The following C1GALT1 variants were observed in gnomAD, a reference collection of about 807,000 sequenced individuals.
C1GALT1 encodes the protein core 1 synthase, glycoprotein-N-acetylgalactosamine 3-beta-galactosyltransferase 1.
In C1GALT1, 11 loss-of-function variants were observed where a neutral mutation model predicts 31.0. That is an observed-to-expected ratio of 0.36 (90% CI 0.22 to 0.59). The LOEUF (loss-of-function observed/expected upper bound fraction) is 0.59. C1GALT1 is among the 20% of genes least tolerant of loss of function. The probability of loss-of-function intolerance (pLI) is 0.79; values close to 1 mark genes in which losing one functional copy is unlikely to be tolerated. For synonymous variants in C1GALT1, 175 were observed against 143.6 expected (o/e 1.22, Z -1.56); for missense variants, 424 against 425.2 (o/e 1.00, Z 0.03).
At chr7:7,177,102 C>T (rs1356522812) in intron 2 of C1GALT1, among the ~76,000 whole-genome samples, 6 of 152,170 alleles carry the variant, frequency 3.9e-5, no homozygotes, top group Admixed American at 2.0e-4. Context: ...CTGATTTGGG[C>T]TCACAGCTGA....
chr7:7,169,885 G>A (rs537389496), intron 2 of C1GALT1, among the ~76,000 whole-genome samples: 2 of 152,162 alleles, frequency 1.3e-5, no homozygotes, highest in Non-Finnish European at 2.9e-5. Flanking sequence ...GTTAGAAAGT[G>A]TTCTTTCCTC....
At chr7:7,192,422 T>C (rs1329136254) in intron 1 of C1GALT1, among the ~76,000 whole-genome samples, 1 of 152,152 alleles carries the variant, frequency 6.6e-6, no homozygotes, top group Admixed American at 6.5e-5. Context: ...TTACTTTACT[T>C]AGAATAATGG....
Position 7,246,792 on chromosome 7 carries a change from AAC to A in C1GALT1, c.*3070_*3071del, listed in dbSNP as rs1297833692. The A allele has an allele frequency of 6.6e-6, 1 of 152,208 alleles. No homozygotes were observed. Among genetic ancestry groups the A allele is most frequent in the Admixed American group, 6.5e-5 (1 of 15,276 alleles). 9.4% of individuals were successfully genotyped at this position (152,208 alleles called of 1,614,324 possible). A position where few individuals can be genotyped will look rare whatever the true frequency, so the allele number is the denominator to read the frequency against. Reference sequence around the variant, plus strand: ...TGATTTTGGTGCAAGTAGTGTTTGAAACACACTGAAGATTACTGCCCAATTAC... The same window carrying A: ...TGATTTTGGTGCAAGTAGTGTTTGAAACACTGAAGATTACTGCCCAATTAC... On this transcript the variant is annotated 3_prime_UTR_variant, in exon 4 of 4. Transcript: ENST00000436587.
chr7:7,233,397 C>G (rs1330937325), intron 1 of C1GALT1, among the ~76,000 whole-genome samples: 1 of 152,094 alleles, frequency 6.6e-6, no homozygotes, highest in Non-Finnish European at 1.5e-5. Context: ...ACCAATTCTT[C>G]CCAAGTATTC....
At chr7:7,201,718 A>G (rs927419427) in intron 1 of C1GALT1, among the ~76,000 whole-genome samples, 6 of 152,198 alleles carry the variant, frequency 3.9e-5, no homozygotes, top group Non-Finnish European at 8.8e-5. Flanking sequence ...GCTGCTGAGC[A>G]GTATTGAGAA....
At chr7:7,232,616 G>C (rs1783140678) in intron 1 of C1GALT1, among the ~76,000 whole-genome samples, 1 of 151,796 alleles carries the variant, frequency 6.6e-6, no homozygotes, top group South Asian at 2.1e-4. Context: ...CAGTCTCCCA[G>C]GTAGCTGGGA....
At chr7:7,208,567 G>T (rs1427025189) in intron 1 of C1GALT1, among the ~76,000 whole-genome samples, 1 of 152,162 alleles carries the variant, frequency 6.6e-6, no homozygotes, top group Non-Finnish European at 1.5e-5. Flanking sequence ...CAAAAATGAA[G>T]AGGGTTGGGG....
chr7:7,165,651 G>A (rs1039400092), intron 2 of C1GALT1, among the ~76,000 whole-genome samples: 14 of 152,002 alleles, frequency 9.2e-5, no homozygotes, highest in African/African-American at 3.4e-4. Context: ...TTCCTTCTCC[G>A]ATATGTTCCC....
At chr7:7,215,045 C>G (rs1782170742) in intron 1 of C1GALT1, among the ~76,000 whole-genome samples, 1 of 152,344 alleles carries the variant, frequency 6.6e-6, no homozygotes, top group Non-Finnish European at 1.5e-5. Context: ...CACCCAGGAA[C>G]TGACTTAGCA....
intron 2 of C1GALT1, among the ~76,000 whole-genome samples, chr7:7,236,748 A>T (rs1170166211): frequency 6.6e-6 from 1 of 150,972 alleles, no homozygotes; most frequent in Non-Finnish European, 1.5e-5. Flanking sequence ...CTGGTCTCGA[A>T]CTCCTGACCT....
rs182039929 is a variant in C1GALT1, at chr7:7,227,496, G to A, written c.-17-6807G>A. On this transcript the variant is annotated intron_variant, in intron 1 of 3. Transcript: ENST00000436587. ...AGCACTTTGGGAGGCCGAGGCGGGC[G>A]GATCACGAGGTCGGGAGATCGAGAC... 5.2e-3 allele frequency among the ~76,000 whole-genome samples: 794 copies of A among 152,188 alleles called. 3 individuals carry two copies. The highest frequency in any genetic ancestry group is 0.01 in the Middle Eastern group (3 of 294).
At chr7:7,161,116 C>T (rs1216853879) in intron 2 of C1GALT1, among the ~76,000 whole-genome samples, 4 of 151,992 alleles carry the variant, frequency 2.6e-5, no homozygotes, top group Admixed American at 6.6e-5. Context: ...ATATGACAGA[C>T]TAAGACAAAC....
intron 1 of C1GALT1, among the ~76,000 whole-genome samples, chr7:7,185,994 G>T (rs377442214): frequency 2.0e-5 from 3 of 152,122 alleles, no homozygotes; most frequent in Non-Finnish European, 2.9e-5. Flanking sequence ...ATAAAGAAAA[G>T]AAATTTATTC....
At chr7:7,171,109 TA>T (rs1478029822) in intron 2 of C1GALT1, among the ~76,000 whole-genome samples, 1 of 116,168 alleles carries the variant, frequency 8.6e-6, no homozygotes, top group Admixed American at 1.1e-4. Flanking sequence ...ATGTTCTATA[TA>T]CACATGTTAG....
At chr7:7,234,255 G>T in intron 1 of C1GALT1, 48 bp from the exon 2 acceptor site, 1 of 1,377,042 alleles carries the variant, frequency 7.3e-7, no homozygotes, top group Non-Finnish European at 1.0e-6. Flanking sequence ...CTCCGGTTAT[G>T]TATACAGCTT....
At chr7:7,168,916 G>T (rs1780424816) in intron 2 of C1GALT1, among the ~76,000 whole-genome samples, 1 of 152,190 alleles carries the variant, frequency 6.6e-6, no homozygotes, top group South Asian at 2.1e-4. Context: ...TAAGGGTACA[G>T]TTCAGTGGCA....
In C1GALT1 at chr7:7,189,889, T is replaced by C. The variant is rs574035280; in HGVS notation, c.-18+7069T>C. Among the ~76,000 whole-genome samples, 15 of 151,698 alleles carry C rather than the reference T, an allele frequency of 9.9e-5. No homozygotes were observed. In the South Asian group the frequency reaches 2.7e-3, roughly 27 times the overall value. On this transcript the variant is annotated intron_variant, in intron 1 of 3. Coordinates refer to ENST00000436587, the MANE Select transcript of C1GALT1 (RefSeq NM_020156.5). ...GGATCCAGCTGGTTTTGTTTTTTTT[T>C]CCCCAAAAGATTAATTAATTCAATA... is the stretch of plus-strand genomic sequence containing the variant.
At position 7,234,110 on chromosome 7, in the gene C1GALT1, A is replaced by G. The variant is rs570440939; in HGVS notation, c.-17-193A>G. The G allele has an allele frequency of 8.7e-5, 50 of 574,178 alleles. No homozygotes were observed. In the African/African-American group the frequency reaches 8.8e-4, roughly 10 times the overall value. 35.6% of individuals were successfully genotyped at this position (574,178 alleles called of 1,614,324 possible). ...ACCCCACCCCAACTGTGACTGTCCT[A>G]CTAATTAATCTGGTTTTATGGATTT... is the stretch of plus-strand genomic sequence containing the variant. On this transcript the variant is annotated intron_variant, in intron 1 of 3. Transcript: ENST00000436587.
intron 2 of C1GALT1, among the ~76,000 whole-genome samples, chr7:7,169,813 C>A (rs1231548052): frequency 5.3e-5 from 8 of 152,170 alleles, no homozygotes; most frequent in African/African-American, 1.9e-4. Context: ...TATTGGTGTG[C>A]ACTTTTTTGT....
Sources: allele counts gnomAD v4.1 joint callset (sites outside exome capture counted in the v4.1 genomes callset), GRCh38; gene constraint gnomAD v4.1.1; transcripts MANE v1.5; gene names NCBI Gene and HGNC (gene_info 2026-07-23, HGNC 2026-07-21).